The following SIRT4 variants were observed in gnomAD, a reference collection of about 807,000 sequenced individuals.
SIRT4 encodes the protein NAD-dependent protein lipoamidase sirtuin-4, mitochondrial.
In SIRT4, 23 loss-of-function variants were observed where a neutral mutation model predicts 26.1. The ratio of observed to expected loss-of-function variants is 0.88; its 90% CI spans 0.63 to 1.25. SIRT4 has a LOEUF of 1.25. SIRT4 is among the 50% of genes most tolerant of loss of function. SIRT4 has a pLI of 0.00. For missense variants in SIRT4, 361 were observed against 405.4 expected, an observed-to-expected ratio of 0.89 and a Z score of 0.94; for synonymous variants, 155 against 158.4, an observed-to-expected ratio of 0.98 and a Z score of 0.16.
At chr12:120,293,273 A>G in the SIRT4 span, 138,510 of 152,278 alleles carry the variant, frequency 0.91, 63,229 homozygotes, top group African/African-American at 0.98. Flanking sequence ...CTCCCAATAA[A>G]CCAGCTTCCT....
the SIRT4 span, among the ~76,000 whole-genome samples, chr12:120,295,419 A>AT: frequency 0.036 from 2,916 of 81,228 alleles, 64 homozygotes; most frequent in African/African-American, 0.082. Context: ...TATATAGATA[A>AT]TTTTTTTTTT....
chr12:120,292,883 A>G, the SIRT4 span, among the ~76,000 whole-genome samples: 1 of 152,226 alleles, frequency 6.6e-6, no homozygotes, highest in Non-Finnish European at 1.5e-5. Context: ...CTTTTACCTT[A>G]AAAGTAGAGA....
the SIRT4 span, chr12:120,293,079 A>C: frequency 2.4e-5 from 2 of 84,196 alleles, no homozygotes; most frequent in Non-Finnish European, 5.4e-5. Context: ...TCTGTTGTTC[A>C]ACTGCAAGAA....
chr12:120,294,676 G>A, the SIRT4 span, among the ~76,000 whole-genome samples: 1 of 151,198 alleles, frequency 6.6e-6, no homozygotes, highest in Non-Finnish European at 1.5e-5. Flanking sequence ...TCCCACTTCA[G>A]CTGGATACTT....
Position 120,310,822 on chromosome 12 carries a change from G to A in SIRT4, c.498-1634G>A, listed in dbSNP as rs568186788. Among the ~76,000 whole-genome samples, 312 of 150,664 alleles carry A rather than the reference G, an allele frequency of 2.1e-3. 2 individuals are homozygous for A. Among genetic ancestry groups the A allele is most frequent in the Non-Finnish European group, 3.3e-3 (223 of 67,690 alleles). ...GCTATCTCGGCTCACTGCAAGCTCC[G>A]CCTCCCGGGTTCACGCCATTCTCCT... On this transcript the variant is annotated intron_variant, in intron 2 of 3. Transcript: ENST00000202967.
chr12:120,308,715 G>GT (rs1406891636), intron 2 of SIRT4, among the ~76,000 whole-genome samples: 2 of 152,250 alleles, frequency 1.3e-5, no homozygotes, highest in Admixed American at 6.5e-5. Flanking sequence ...CACCAAAGGG[G>GT]TTTATTAGTG....
At chr12:120,295,419 A>AATTTTTTTT in the SIRT4 span, among the ~76,000 whole-genome samples, 2 of 81,348 alleles carry the variant, frequency 2.5e-5, 1 homozygote, top group Non-Finnish European at 5.2e-5. Context: ...TATATAGATA[A>AATTTTTTTT]TTTTTTTTTT....
Position 120,310,759 on chromosome 12 carries a change from C to T in SIRT4, c.498-1697C>T, listed in dbSNP as rs1345761357. Among the ~76,000 whole-genome samples the T allele has an allele frequency of 8.1e-5, 12 of 148,638 alleles. No homozygotes were observed. In the East Asian group the frequency reaches 1.4e-3, roughly 18 times the overall value. Reference sequence around the variant, plus strand: ...CCCTGTCTCTTTTTTTTTTTTGAGACGGAGTCTCGCTCGTTGCCCAGGCTG... The same window carrying T: ...CCCTGTCTCTTTTTTTTTTTTGAGATGGAGTCTCGCTCGTTGCCCAGGCTG... On this transcript the variant is annotated intron_variant, in intron 2 of 3. Transcript: ENST00000202967.
the SIRT4 span, chr12:120,293,119 T>A: frequency 1.3e-5 from 2 of 152,148 alleles, no homozygotes; most frequent in Non-Finnish European, 2.9e-5. Flanking sequence ...CTGTCAAAAA[T>A]TGCCAGTGCC....
chr12:120,311,116 T>G (rs1872951457), intron 2 of SIRT4, among the ~76,000 whole-genome samples: 1 of 145,068 alleles, frequency 6.9e-6, no homozygotes, highest in Non-Finnish European at 1.5e-5. Flanking sequence ...CCCAGCATTT[T>G]GGGAGGCCAA....
chr12:120,295,865 C>T, the SIRT4 span, among the ~76,000 whole-genome samples: 1 of 151,586 alleles, frequency 6.6e-6, no homozygotes, highest in Non-Finnish European at 1.5e-5. Context: ...CAAGATCAGC[C>T]TGGTAACATG....
chr12:120,304,028 G>A lies in SIRT4; in HGVS notation c.467G>A (p.Arg156His), dbSNP rs201091007. 3.2e-5 allele frequency: 51 copies of A among 1,610,282 alleles called. No individual in the cohort carries two copies. The African/African-American group carries it at 4.8e-4, about 15-fold the overall frequency. ...DALHTKAGSR[R>H]LTELHGCMDR... The stretch of plus-strand genomic sequence containing the variant: ...TTGCACACCAAGGCGGGGAGTCGGC[G>A]CCTGACAGAGCTCCACGGATGCATG... The change falls in exon 2 of 4, where the codon CGC becomes CAC. Residue 156 changes from arginine (R) to histidine (H), a missense_variant. Arg to His is a conservative substitution (Grantham distance 29). Transcript: ENST00000202967.
chr12:120,292,285 A>G, the SIRT4 span, among the ~76,000 whole-genome samples: 2 of 152,148 alleles, frequency 1.3e-5, no homozygotes, highest in Non-Finnish European at 2.9e-5. Context: ...GAATAATTTT[A>G]GGACGTCACT....
the SIRT4 span, among the ~76,000 whole-genome samples, chr12:120,296,535 A>T: frequency 4.5e-5 from 6 of 132,208 alleles, no homozygotes; most frequent in Non-Finnish European, 7.9e-5. Context: ...TTTTTGAGAC[A>T]TGTTCTCAGT....
rs200766343 is a variant in SIRT4, at chr12:120,302,355, G to A, written c.-25G>A. On this transcript the variant is annotated 5_prime_UTR_variant, in exon 1 of 4. Coordinates refer to ENST00000202967, the MANE Select transcript of SIRT4 (RefSeq NM_012240.3). ...ATCAGACGGTCCCACTGTGGGGTGT[G>A]AAGTGTCCGTAGAGCTGTGAGAGGT... 1.3e-5 allele frequency: 2 copies of A among 152,204 alleles called. No homozygotes were observed. Among genetic ancestry groups the A allele is most frequent in the Non-Finnish European group, 2.9e-5 (2 of 68,050 alleles). 9.4% of individuals were successfully genotyped at this position (152,204 alleles called of 1,614,324 possible).
chr12:120,304,827 ATATATATAT>A (rs1264675474), intron 2 of SIRT4, among the ~76,000 whole-genome samples: 1 of 104,240 alleles, frequency 9.6e-6, no homozygotes, highest in Admixed American at 1.0e-4. Context: ...ATATATATAT[ATATATATAT>A]TTTTTTTTTT....
chr12:120,297,551 G>C (rs1415491002), upstream of SIRT4, among the ~76,000 whole-genome samples: 1 of 150,738 alleles, frequency 6.6e-6, no homozygotes, highest in Non-Finnish European at 1.5e-5. Context: ...AAGAAAGAAA[G>C]AAAGAAAAAA....
At position 120,313,236 on chromosome 12, in the gene SIRT4, A is replaced by G. The variant is rs1387261826; in HGVS notation, c.*200A>G. The G allele has an allele frequency of 3.3e-6, 2 of 601,344 alleles. No homozygotes were observed. The highest frequency in any genetic ancestry group is 5.7e-6 in the Non-Finnish European group (2 of 350,028). The allele number at this position is 601,344 out of a possible 1,614,324, so 37.3% of individuals were successfully genotyped here. On this transcript the variant is annotated 3_prime_UTR_variant, in exon 4 of 4. Transcript: ENST00000202967. Reference sequence around the variant, plus strand: ...ATTTTTTTTAAATAAAAAATTGTTCAGCTTTATATGAAATGCTTCATGAAT... The same window carrying G: ...ATTTTTTTTAAATAAAAAATTGTTCGGCTTTATATGAAATGCTTCATGAAT...
At chr12:120,299,777 G>A (rs771639535), upstream of SIRT4, among the ~76,000 whole-genome samples, 1 of 152,072 alleles carries the variant, frequency 6.6e-6, no homozygotes, top group Non-Finnish European at 1.5e-5. Context: ...AGTATATCTG[G>A]TTATGGATTA....
Sources: allele counts gnomAD v4.1 joint callset (sites outside exome capture counted in the v4.1 genomes callset), GRCh38; gene constraint gnomAD v4.1.1; transcripts MANE v1.5; gene names NCBI Gene and HGNC (gene_info 2026-07-23, HGNC 2026-07-21).